NDUFAF2: variants seen among roughly 807,000 people sequenced by gnomAD.
NDUFAF2 encodes the protein NADH:ubiquinone oxidoreductase complex assembly factor 2.
In NDUFAF2, 13 loss-of-function variants were observed where a neutral mutation model predicts 22.8. That is an observed-to-expected ratio of 0.57 (90% CI 0.37 to 0.91). The LOEUF is 0.91. Among genes scored for constraint, NDUFAF2 ranks in the 40% least tolerant of loss-of-function variants. NDUFAF2 has a pLI of 0.01. For synonymous variants in NDUFAF2, 53 were observed against 64.2 expected, an observed-to-expected ratio of 0.83 and a Z score of 0.84; for missense variants, 162 against 195.2, an observed-to-expected ratio of 0.83 and a Z score of 1.01.
At chr5:61,072,180 C>T (rs1752307952) in intron 1 of NDUFAF2, among the ~76,000 whole-genome samples, 1 of 152,208 alleles carries the variant, frequency 6.6e-6, no homozygotes, top group Admixed American at 6.5e-5. Context: ...CAGCTGGTCT[C>T]TCAATGTGGC....
At chr5:60,958,550 C>T (rs1159548454) in intron 1 of NDUFAF2, among the ~76,000 whole-genome samples, 3 of 152,044 alleles carry the variant, frequency 2.0e-5, no homozygotes, top group African/African-American at 7.2e-5. Flanking sequence ...GATTATTATC[C>T]TCATTTTAAA....
chr5:60,988,703 A>G (rs1363215161), intron 1 of NDUFAF2, among the ~76,000 whole-genome samples: 2 of 152,184 alleles, frequency 1.3e-5, no homozygotes, highest in Non-Finnish European at 2.9e-5. Flanking sequence ...TCTACAAATG[A>G]TGCTGGGATA....
intron 1 of NDUFAF2, among the ~76,000 whole-genome samples, chr5:61,029,044 G>A (rs1393044917): frequency 6.6e-6 from 1 of 151,954 alleles, no homozygotes; most frequent in African/African-American, 2.4e-5. Context: ...AGCAATCTTA[G>A]CATGTTGTAT....
intron 1 of NDUFAF2, among the ~76,000 whole-genome samples, chr5:61,041,127 T>C (rs1580108843): frequency 6.6e-6 from 1 of 152,178 alleles, no homozygotes. Flanking sequence ...TGGTATTTTA[T>C]GAAGAGCTAA....
At chr5:60,949,483 T>G (rs777854970) in intron 1 of NDUFAF2, among the ~76,000 whole-genome samples, 1 of 152,230 alleles carries the variant, frequency 6.6e-6, no homozygotes, top group Non-Finnish European at 1.5e-5. Flanking sequence ...TTTTGGTGAT[T>G]ATGAATACAG....
chr5:61,084,902 T>C (rs1188786307), intron 2 of NDUFAF2, among the ~76,000 whole-genome samples: 1 of 152,172 alleles, frequency 6.6e-6, no homozygotes, highest in African/African-American at 2.4e-5. Context: ...AGAAGATAGC[T>C]ACATCAGACA....
intron 1 of NDUFAF2, among the ~76,000 whole-genome samples, chr5:60,991,739 G>A (rs768104679): frequency 1.1e-4 from 17 of 151,838 alleles, no homozygotes; most frequent in Non-Finnish European, 2.4e-4. Context: ...CTTGGCTATT[G>A]TAAATAATGC....
intron 1 of NDUFAF2, among the ~76,000 whole-genome samples, chr5:61,009,544 T>A (rs1244243145): frequency 6.6e-6 from 1 of 152,150 alleles, no homozygotes; most frequent in Non-Finnish European, 1.5e-5. Flanking sequence ...ACTTTTTAAA[T>A]TTCAAGATTC....
intron 1 of NDUFAF2, among the ~76,000 whole-genome samples, chr5:60,997,404 GC>G: frequency 6.6e-6 from 1 of 152,264 alleles, no homozygotes; most frequent in South Asian, 2.1e-4. Flanking sequence ...TAATAAGTTA[GC>G]TAGAAGAAAG....
intron 1 of NDUFAF2, among the ~76,000 whole-genome samples, chr5:61,058,045 TAGTAAC>T (rs1318784765): frequency 6.6e-6 from 1 of 152,196 alleles, no homozygotes; most frequent in African/African-American, 2.4e-5. Context: ...TTCTGTGAAT[TAGTAAC>T]AGTAGATAAC....
At chr5:61,015,684 G>GT (rs1751498098) in intron 1 of NDUFAF2, among the ~76,000 whole-genome samples, 1 of 152,058 alleles carries the variant, frequency 6.6e-6, no homozygotes, top group Non-Finnish European at 1.5e-5. Flanking sequence ...TTCCACATTA[G>GT]TGCACAGAAA....
At chr5:61,098,301 G>GA (rs1323852907) in intron 2 of NDUFAF2, among the ~76,000 whole-genome samples, 1 of 152,204 alleles carries the variant, frequency 6.6e-6, no homozygotes, top group East Asian at 1.9e-4. Flanking sequence ...TTTGAACCCA[G>GA]AAAATCTGAC....
At chr5:61,100,000 G>C (rs1220826569) in intron 3 of NDUFAF2, among the ~76,000 whole-genome samples, 1 of 152,086 alleles carries the variant, frequency 6.6e-6, no homozygotes, top group East Asian at 1.9e-4. Flanking sequence ...TGTTCATTCG[G>C]CCAGGGTCTG....
chr5:60,946,591 T>C (rs573567431), intron 1 of NDUFAF2, among the ~76,000 whole-genome samples: 1 of 152,338 alleles, frequency 6.6e-6, no homozygotes, highest in Non-Finnish European at 1.5e-5. Context: ...CAGAGAGATG[T>C]TTCTTTTCCA....
At chr5:60,945,420 GATTGCGAGGTCAGTA>G (rs1397038696) in intron 1 of NDUFAF2, 38 bp downstream of exon 1, 8 of 1,613,978 alleles carry the variant, frequency 5.0e-6, no homozygotes, top group Non-Finnish European at 6.8e-6. Flanking sequence ...CGTGGTCAGT[GATTGCGAGGTCAGTA>G]AAGGAGGGAA....
rs1050288301 is a variant in NDUFAF2, at chr5:61,133,473, C to T, written c.259-19231C>T. 3.3e-5 allele frequency among the ~76,000 whole-genome samples: 5 copies of T among 152,054 alleles called. No individual in the cohort carries two copies. In the East Asian group the frequency reaches 9.6e-4, roughly 29 times the overall value. ...AAAAGTAGTAAACCGAGTCATTTTA[C>T]CACATTGATGTTTTTAAACTAGTAT... On this transcript the variant is annotated intron_variant, in intron 3 of 3. Coordinates refer to ENST00000296597, the MANE Select transcript of NDUFAF2 (RefSeq NM_174889.5).
chr5:61,104,526 G>A (rs774937491), intron 3 of NDUFAF2, among the ~76,000 whole-genome samples: 1 of 152,100 alleles, frequency 6.6e-6, no homozygotes, highest in Non-Finnish European at 1.5e-5. Context: ...TGGTGCTGCT[G>A]TTGGAGATGA....
chr5:61,014,048 G>A (rs1255791286), intron 1 of NDUFAF2, among the ~76,000 whole-genome samples: 1 of 152,186 alleles, frequency 6.6e-6, no homozygotes, highest in Non-Finnish European at 1.5e-5. Context: ...TTTCTTGTAT[G>A]CTCATGAGAT....
At chr5:61,084,230 TA>T (rs71606661) in intron 2 of NDUFAF2, among the ~76,000 whole-genome samples, 30,256 of 78,438 alleles carry the variant, frequency 0.39, 3,623 homozygotes, top group East Asian at 0.54. Context: ...TTTTTATGAT[TA>T]TTTTTTTTCA....
Sources: allele counts gnomAD v4.1 joint callset (sites outside exome capture counted in the v4.1 genomes callset), GRCh38; gene constraint gnomAD v4.1.1; transcripts MANE v1.5; gene names NCBI Gene and HGNC (gene_info 2026-07-23, HGNC 2026-07-21).